The following NUB1 variants were observed in gnomAD, a reference collection of about 807,000 sequenced individuals.
The protein encoded by NUB1 is negative regulator of ubiquitin like proteins 1, also known as NEDD8 ultimate buster 1.
In NUB1, 41 loss-of-function variants were observed where a neutral mutation model predicts 77.1. That is an observed-to-expected ratio of 0.53 (90% CI 0.41 to 0.69). The LOEUF is 0.69. Among genes scored for constraint, NUB1 ranks in the 30% least tolerant of loss-of-function variants. The pLI, the probability that NUB1 is intolerant of heterozygous loss-of-function variation, is 0.00. For missense variants in NUB1, 643 were observed against 743.8 expected, an observed-to-expected ratio of 0.86 and a Z score of 1.58; for synonymous variants, 257 against 281.0, an observed-to-expected ratio of 0.91 and a Z score of 0.85.
chr7:151,353,477 ATGC>A (rs1001547295), intron 5 of NUB1, among the ~76,000 whole-genome samples: 1 of 152,132 alleles, frequency 6.6e-6, no homozygotes, highest in Admixed American at 6.6e-5. Context: ...GAGGCTAGGG[ATGC>A]TGCTGAATGT....
chr7:151,357,019 G>T (rs950468300), intron 7 of NUB1, among the ~76,000 whole-genome samples: 1 of 151,520 alleles, frequency 6.6e-6, no homozygotes, highest in African/African-American at 2.4e-5. Flanking sequence ...ACTCTGCCGT[G>T]TTTTTGTTTT....
intron 4 of NUB1, among the ~76,000 whole-genome samples, chr7:151,351,876 C>T (rs185781789): frequency 8.6e-5 from 13 of 150,934 alleles, no homozygotes; most frequent in Admixed American, 3.3e-4. Context: ...ACCTTCAGCA[C>T]GGTGTTTTAT....
At chr7:151,361,781 T>G (rs1475531116) in intron 8 of NUB1, among the ~76,000 whole-genome samples, 2 of 152,090 alleles carry the variant, frequency 1.3e-5, no homozygotes, top group Non-Finnish European at 2.9e-5. Flanking sequence ...GGGCTGGGAA[T>G]AGTGAGAATG....
At position 151,376,484 on chromosome 7, in the gene NUB1, T is replaced by C. The variant is rs736470; in HGVS notation, c.1492-150T>C. ...CCTTCCAGGTTGCTCTACGCTCACA[T>C]TGCACAGAAGCATGACTTGTGCACA... On this transcript the variant is annotated intron_variant, in intron 13 of 14. Coordinates refer to ENST00000568733, the MANE Select transcript of NUB1 (RefSeq NM_001243351.2). 3,911 of 758,590 alleles carry C rather than the reference T, an allele frequency of 5.2e-3. 135 individuals carry two copies. The African/African-American group carries it at 0.062, about 12-fold the overall frequency. The allele number at this position is 758,590 out of a possible 1,614,324, so 47.0% of individuals were successfully genotyped here.
In NUB1 at chr7:151,373,332, A is replaced by C. The variant is rs546457610; in HGVS notation, c.1249-765A>C. ...TTGTTGTTGTTGTTTTTAAGCAGCAAAATCCCCTTTTTAAATGACATTTTT... is the reference window on the plus strand; with the variant it reads ...TTGTTGTTGTTGTTTTTAAGCAGCACAATCCCCTTTTTAAATGACATTTTT... On this transcript the variant is annotated intron_variant, in intron 11 of 14. Transcript: ENST00000568733. 8.7e-4 allele frequency among the ~76,000 whole-genome samples: 133 copies of C among 152,352 alleles called. 1 individual carries two copies. The highest frequency in any genetic ancestry group is 3.4e-3 in the Middle Eastern group (1 of 294).
chr7:151,347,762 AC>A (rs1240181304), intron 2 of NUB1, among the ~76,000 whole-genome samples: 1 of 152,186 alleles, frequency 6.6e-6, no homozygotes, highest in Admixed American at 6.5e-5. Context: ...CCCAATCTAT[AC>A]TCATATCTAT....
intron 4 of NUB1, 108 bp from the exon 5 acceptor site, chr7:151,352,704 G>T: frequency 2.9e-6 from 2 of 691,316 alleles, no homozygotes; most frequent in South Asian, 3.4e-5. Flanking sequence ...TGGCCTCCCA[G>T]GGTGTTGGGA....
intron 7 of NUB1, among the ~76,000 whole-genome samples, chr7:151,357,183 A>ATT (rs59119243): frequency 1.5e-5 from 2 of 134,426 alleles, no homozygotes; most frequent in African/African-American, 5.5e-5. Context: ...TGTCCAGCTA[A>ATT]TTTTTTTTTT....
chr7:151,371,899 G>A (rs932226519), intron 11 of NUB1, among the ~76,000 whole-genome samples: 4 of 152,102 alleles, frequency 2.6e-5, no homozygotes, highest in African/African-American at 7.2e-5. Flanking sequence ...TAGAAATGGG[G>A]TCTCACCATG....
intron 5 of NUB1, among the ~76,000 whole-genome samples, 195 bp from the exon 6 acceptor site, chr7:151,355,572 CT>C (rs1317313849): frequency 6.6e-6 from 1 of 152,336 alleles, no homozygotes; most frequent in Admixed American, 6.5e-5. Flanking sequence ...CCTCGGGAGG[CT>C]GAGGTGCAAG....
chr7:151,348,472 T>G (rs978563194), intron 2 of NUB1, among the ~76,000 whole-genome samples: 2 of 151,900 alleles, frequency 1.3e-5, no homozygotes, highest in African/African-American at 4.8e-5. Flanking sequence ...AGCCCACCCT[T>G]TTCTTCTCCT....
intron 5 of NUB1, 30 bp downstream of exon 5, chr7:151,352,912 T>A: frequency 1.7e-6 from 2 of 1,178,122 alleles, no homozygotes; most frequent in South Asian, 1.4e-5. Context: ...CATAATTTTT[T>A]AATGAACCAA....
Position 151,375,915 on chromosome 7 carries a change from A to G in NUB1, c.1463A>G (p.Glu488Gly), listed in dbSNP as rs1402824161. Residue 488 changes from glutamate (E) to glycine (G), a missense_variant, in exon 13 of 15, where the codon GAA (glutamate) becomes GGA (glycine). Coordinates refer to ENST00000568733, the MANE Select transcript of NUB1 (RefSeq NM_001243351.2). ...AATCCTGAAACCGACAACCGTCAAG[A>G]AAGTCCTTCCCAGGAAAACATTGAC... ...DSNPETDNRQ[E>G]SPSQENIDRL... 2 of 1,612,958 alleles carry G rather than the reference A, an allele frequency of 1.2e-6. No individual in the cohort carries two copies.
intron 11 of NUB1, among the ~76,000 whole-genome samples, chr7:151,372,778 C>T (rs1798021719): frequency 6.6e-6 from 1 of 152,006 alleles, no homozygotes; most frequent in African/African-American, 2.4e-5. Context: ...AGCCTGCTGC[C>T]CTGTGCAGCG....
chr7:151,342,140 A>C (rs1796241990), intron 1 of NUB1, among the ~76,000 whole-genome samples: 1 of 152,244 alleles, frequency 6.6e-6, no homozygotes, highest in Non-Finnish European at 1.5e-5. Flanking sequence ...GAAAGGAATA[A>C]ATATGTCTAT....
In NUB1 at chr7:151,376,709, G is replaced by T. The variant is rs1430976583; in HGVS notation, c.1567G>T (p.Ala523Ser). ...GTTCAGAGGCAACGTCCAGCTGGCC[G>T]CCCAGACCCTTGCTCACAACGGAGG... ...RVFRGNVQLA[A>S]QTLAHNGGSL... Residue 523 changes from alanine to serine, a missense_variant, in exon 14 of 15, where the codon GCC (alanine) becomes TCC (serine). By Grantham distance (99) the Ala-to-Ser change is moderately conservative. Coordinates refer to ENST00000568733, the MANE Select transcript of NUB1 (RefSeq NM_001243351.2). 1.2e-6 allele frequency: 2 copies of T among 1,608,402 alleles called. No homozygotes were observed. Among genetic ancestry groups the T allele is most frequent in the Non-Finnish European group, 1.7e-6 (2 of 1,177,854 alleles).
At chr7:151,343,274 T>A (rs1291221589) in intron 1 of NUB1, among the ~76,000 whole-genome samples, 1 of 152,224 alleles carries the variant, frequency 6.6e-6, no homozygotes, top group Admixed American at 6.6e-5. Context: ...GCTGTGTTAT[T>A]CCTTCCTCTC....
Position 151,353,187 on chromosome 7 carries a change from A to G in NUB1, c.415+305A>G, listed in dbSNP as rs368835178. On this transcript the variant is annotated intron_variant, in intron 5 of 14. Transcript: ENST00000568733. ...TTCCAGCAAATTCTTCTTGAAGGAG[A>G]AGAGCTAAGGCTGTGTCAGGACAGT... Among the ~76,000 whole-genome samples, 18 of 152,290 alleles carry G rather than the reference A, an allele frequency of 1.2e-4. No individual in the cohort carries two copies. In the East Asian group the frequency reaches 1.4e-3, roughly 11 times the overall value.
At chr7:151,357,162 A>G (rs921960682) in intron 7 of NUB1, among the ~76,000 whole-genome samples, 12 of 147,920 alleles carry the variant, frequency 8.1e-5, no homozygotes, top group Non-Finnish European at 1.3e-4. Context: ...GACTGCAGGT[A>G]CACACCACCA....
Sources: gnomAD v4.1 joint callset for allele counts (sites outside exome capture counted in the v4.1 genomes callset) on GRCh38, gnomAD v4.1.1 for gene constraint, MANE v1.5 for transcripts, NCBI Gene and HGNC (gene_info 2026-07-23, HGNC 2026-07-21) for gene names.